The following ZNF568 variants were observed in gnomAD, a reference collection of about 807,000 sequenced individuals.
The protein encoded by ZNF568 is zinc finger protein 568.
In ZNF568, 11 loss-of-function variants were observed where a neutral mutation model predicts 18.1. That is an observed-to-expected ratio of 0.61 (90% CI 0.38 to 1.00). ZNF568 has a LOEUF of 1.00. Among genes scored for constraint, ZNF568 ranks in the 50% least tolerant of loss-of-function variants. The pLI is 0.01. For synonymous variants in ZNF568, 213 were observed against 246.6 expected, an observed-to-expected ratio of 0.86 and a Z score of 1.28; for missense variants, 639 against 768.2, an observed-to-expected ratio of 0.83 and a Z score of 1.99.
At position 36,950,900 on chromosome 19, in the gene ZNF568, G is replaced by A. The variant is rs1414107850; in HGVS notation, c.1747G>A (p.Glu583Lys). ...TCTTCATGTGAGAAGTCACACAGGG[G>A]AGAAACCCTATGAATGTAATAAATG... ...LTLHVRSHTG[E>K]KPYECNKCGK... The change falls in exon 7 of 7, where the codon GAG becomes AAG. Residue 583 changes from glutamate to lysine, a missense_variant. By Grantham distance (56) the Glu-to-Lys change is moderately conservative (BLOSUM62 1). Transcript: ENST00000333987. 2.2e-5 allele frequency: 35 copies of A among 1,613,520 alleles called. No homozygotes were observed. The highest frequency in any genetic ancestry group is 2.8e-5 in the Non-Finnish European group (33 of 1,179,808).
intron 2 of ZNF568, among the ~76,000 whole-genome samples, chr19:36,990,510 G>A (rs1455600562): frequency 2.0e-5 from 3 of 152,208 alleles, no homozygotes; most frequent in African/African-American, 7.2e-5. Context: ...AGCTACTCAG[G>A]AGGGTGAGGC....
At chr19:36,997,316 A>C, downstream of ZNF568, 1 of 1,602,018 alleles carries the variant, frequency 6.2e-7, no homozygotes, top group South Asian at 1.1e-5. Context: ...GAATGTGGGA[A>C]GTCCTTTCGT....
chr19:36,994,145 T>A (rs2074449223), intron 4 of ZNF568, among the ~76,000 whole-genome samples: 1 of 152,192 alleles, frequency 6.6e-6, no homozygotes, highest in African/African-American at 2.4e-5. Context: ...TTTTTTAATT[T>A]TCTTCATGAT....
chr19:36,964,494 T>C (rs1017358913), intron 6 of ZNF568, among the ~76,000 whole-genome samples: 1 of 152,190 alleles, frequency 6.6e-6, no homozygotes, highest in Non-Finnish European at 1.5e-5. Context: ...ATGAGGCATC[T>C]GAGCCTATCT....
downstream of ZNF568, among the ~76,000 whole-genome samples, chr19:36,984,549 A>G (rs1232304275): frequency 6.6e-6 from 1 of 152,054 alleles, no homozygotes; most frequent in Non-Finnish European, 1.5e-5. Context: ...TATTTTATGT[A>G]TTGAGTGTTA....
chr19:36,958,301 G>A (rs2074122128), intron 6 of ZNF568, among the ~76,000 whole-genome samples: 1 of 152,098 alleles, frequency 6.6e-6, no homozygotes. Context: ...GACTGAGTTA[G>A]GGAATATTTC....
rs1246101353 is a variant in ZNF568, at chr19:36,993,810, C to CA, written c.229+1967dup. 4.6e-5 allele frequency among the ~76,000 whole-genome samples: 7 copies of CA among 152,104 alleles called. No homozygotes were observed. The South Asian group carries it at 1.5e-3, about 32-fold the overall frequency. On this transcript the variant is annotated intron_variant, in intron 4 of 4. Coordinates refer to the ZNF568 transcript ENST00000433993. ...CTCTTTTTTTGTTGGTCAATCTAGC[C>CA]AAAGATTTGCCAATTCTGTTGATCT...
chr19:36,984,500 C>G (rs2074358791), downstream of ZNF568, among the ~76,000 whole-genome samples: 1 of 152,018 alleles, frequency 6.6e-6, no homozygotes, highest in African/African-American at 2.4e-5. Context: ...ACATTATTGT[C>G]AGGTATTTTT....
downstream of ZNF568, among the ~76,000 whole-genome samples, chr19:36,957,325 G>A (rs992151390): frequency 8.8e-5 from 13 of 147,930 alleles, no homozygotes; most frequent in South Asian, 1.3e-3. Context: ...TCTGCCTCCC[G>A]GGTTAAGCGA....
Position 36,950,402 on chromosome 19 carries a change from C to T in ZNF568, c.1249C>T (p.Pro417Ser). The T allele has an allele frequency of 1.9e-6, 3 of 1,614,038 alleles. No individual in the cohort carries two copies. Among genetic ancestry groups the T allele is most frequent in the Non-Finnish European group, 2.5e-6 (3 of 1,179,990 alleles). ...IHMRSHTGEK[P>S]YVCSECGKAF... ...TATGAGAAGTCACACTGGTGAGAAA[C>T]CCTATGTATGTAGTGAATGTGGGAA... Residue 417 changes from proline to serine, a missense_variant, in exon 7 of 7, where the codon CCC (proline) becomes TCC (serine). By Grantham distance (74) the Pro-to-Ser change is moderately conservative (BLOSUM62 -1). Coordinates refer to ENST00000333987, the MANE Select transcript of ZNF568 (RefSeq NM_198539.4).
chr19:36,953,890 G>A (rs1320936645), downstream of ZNF568, among the ~76,000 whole-genome samples: 1 of 151,754 alleles, frequency 6.6e-6, no homozygotes, highest in East Asian at 1.9e-4. Flanking sequence ...CAGTCTGCGT[G>A]ACAGAGTAAG....
chr19:36,954,735 A>ATT (rs5827970), downstream of ZNF568, among the ~76,000 whole-genome samples: 75 of 143,104 alleles, frequency 5.2e-4, no homozygotes, highest in Admixed American at 1.7e-3. Flanking sequence ...TGCCTGGCTA[A>ATT]TTTTTTTTTT....
intron 4 of ZNF568, among the ~76,000 whole-genome samples, chr19:36,992,927 A>G (rs1283137809): frequency 2.0e-5 from 3 of 152,226 alleles, no homozygotes; most frequent in Non-Finnish European, 4.4e-5. Flanking sequence ...TTCACTTACC[A>G]GAATGTTTTC....
chr19:36,955,620 T>A (rs500126), downstream of ZNF568, among the ~76,000 whole-genome samples: 90,289 of 152,008 alleles, frequency 0.59, 27,502 homozygotes, highest in African/African-American at 0.7. Flanking sequence ...ATTCTTCTTT[T>A]CCTGGACACA....
chr19:36,983,529 T>C (rs2074349092), downstream of ZNF568, among the ~76,000 whole-genome samples: 1 of 152,220 alleles, frequency 6.6e-6, no homozygotes, highest in Admixed American at 6.5e-5. Flanking sequence ...TTTCAAAATC[T>C]TCCATATATG....
intron 4 of ZNF568, among the ~76,000 whole-genome samples, chr19:36,926,422 A>G (rs2073555128): frequency 2.0e-5 from 3 of 152,250 alleles, no homozygotes; most frequent in African/African-American, 7.2e-5. Context: ...GGCCCTAGCA[A>G]ACCTCTCTGG....
intron 4 of ZNF568, 125 bp downstream of exon 4, chr19:36,925,383 T>C: frequency 2.3e-6 from 2 of 867,048 alleles, no homozygotes; most frequent in African/African-American, 1.7e-5. Flanking sequence ...AAAATACAGA[T>C]AGAAAATCAG....
chr19:36,926,752 C>A (rs749142944), intron 4 of ZNF568, among the ~76,000 whole-genome samples: 2 of 152,094 alleles, frequency 1.3e-5, no homozygotes, highest in Non-Finnish European at 2.9e-5. Context: ...ATGTATTGTG[C>A]TTTACATAGC....
chr19:36,964,250 C>T (rs1002310684), intron 6 of ZNF568, among the ~76,000 whole-genome samples: 10 of 149,388 alleles, frequency 6.7e-5, no homozygotes, highest in Non-Finnish European at 1.0e-4. Flanking sequence ...TTTGTAAGAT[C>T]TCCTAAGAGA....
Sources: allele counts gnomAD v4.1 joint callset (sites outside exome capture counted in the v4.1 genomes callset), GRCh38; gene constraint gnomAD v4.1.1; transcripts MANE v1.5; gene names NCBI Gene and HGNC (gene_info 2026-07-23, HGNC 2026-07-21).